LDB2: variants seen among roughly 807,000 people sequenced by gnomAD.
LDB2 encodes the protein LIM domain-binding protein 2.
Under a neutral mutation model 44.3 loss-of-function variants are expected in LDB2, and 12 were observed. That is an observed-to-expected ratio of 0.27 (90% CI 0.17 to 0.44). The LOEUF is 0.44. Among genes scored for constraint, LDB2 ranks in the 20% least tolerant of loss-of-function variants. The pLI is 1.00. For missense variants in LDB2, 344 were observed against 473.5 expected, an observed-to-expected ratio of 0.73 and a Z score of 2.54; for synonymous variants, 164 against 174.8, an observed-to-expected ratio of 0.94 and a Z score of 0.49.
intron 1 of LDB2, among the ~76,000 whole-genome samples, chr4:16,836,989 T>C (rs1032693439): frequency 6.6e-6 from 1 of 152,226 alleles, no homozygotes; most frequent in African/African-American, 2.4e-5. Context: ...AACCATTATC[T>C]GCCTGACACA....
At chr4:16,734,309 G>GAAT (rs1325197996) in intron 2 of LDB2, among the ~76,000 whole-genome samples, 2 of 152,130 alleles carry the variant, frequency 1.3e-5, no homozygotes, top group Non-Finnish European at 2.9e-5. Context: ...ATTTAATCCT[G>GAAT]TTGATTAAGT....
At chr4:16,753,251 T>C (rs1361394807) in intron 2 of LDB2, among the ~76,000 whole-genome samples, 4 of 152,180 alleles carry the variant, frequency 2.6e-5, no homozygotes, top group African/African-American at 4.8e-5. Flanking sequence ...ATCATGTATA[T>C]AGCAAGCACA....
At chr4:16,692,989 G>GC (rs1232648795) in intron 2 of LDB2, among the ~76,000 whole-genome samples, 20 of 152,078 alleles carry the variant, frequency 1.3e-4, no homozygotes, top group Non-Finnish European at 2.9e-4. Flanking sequence ...TTTCTTCCCT[G>GC]CCCCCCAGAG....
chr4:16,701,944 T>C (rs1324036486), intron 2 of LDB2, among the ~76,000 whole-genome samples: 1 of 152,208 alleles, frequency 6.6e-6, no homozygotes, highest in Non-Finnish European at 1.5e-5. Flanking sequence ...ATTACTATTG[T>C]TATTGCTATT....
At chr4:16,832,101 G>A (rs1404647363) in intron 1 of LDB2, among the ~76,000 whole-genome samples, 1 of 152,180 alleles carries the variant, frequency 6.6e-6, no homozygotes, top group Non-Finnish European at 1.5e-5. Flanking sequence ...TGTTACAGCT[G>A]AACATAGTCC....
At chr4:16,535,284 G>A (rs1263892430) in intron 5 of LDB2, among the ~76,000 whole-genome samples, 2 of 152,150 alleles carry the variant, frequency 1.3e-5, no homozygotes, top group Non-Finnish European at 2.9e-5. Context: ...GAAGACATGC[G>A]TAATGGTCCT....
Position 16,831,099 on chromosome 4 carries a change from C to T in LDB2, c.132+67255G>A, listed in dbSNP as rs116410573. Among the ~76,000 whole-genome samples, 976 of 151,170 alleles carry T rather than the reference C, an allele frequency of 6.5e-3. 6 individuals are homozygous for T. Among genetic ancestry groups the T allele is most frequent in the Non-Finnish European group, 0.011 (716 of 67,910 alleles). On this transcript the variant is annotated intron_variant, in intron 1 of 7. Transcript: ENST00000304523. ...AATAGAACGGTGCAGAACTCATAGT[C>T]AGACTGACATGGATTTAGATCCCAG...
At chr4:16,769,094 G>A (rs1207075216) in intron 1 of LDB2, among the ~76,000 whole-genome samples, 1 of 152,080 alleles carries the variant, frequency 6.6e-6, no homozygotes, top group African/African-American at 2.4e-5. Context: ...CTGAACGTTT[G>A]GGTCTCTCTC....
chr4:16,693,347 CTTTTTT>C (rs71181181), intron 2 of LDB2, among the ~76,000 whole-genome samples: 37 of 112,120 alleles, frequency 3.3e-4, no homozygotes, highest in African/African-American at 9.8e-4. Flanking sequence ...AGCAATAGTT[CTTTTTT>C]TTTTTTTTTT....
intron 2 of LDB2, among the ~76,000 whole-genome samples, chr4:16,610,240 C>A (rs1412400307): frequency 6.6e-6 from 1 of 152,046 alleles, no homozygotes; most frequent in African/African-American, 2.4e-5. Flanking sequence ...ACTAGACAAA[C>A]TCACCAAGAT....
At chr4:16,759,661 C>T (rs936749706) in intron 1 of LDB2, among the ~76,000 whole-genome samples, 31 of 152,098 alleles carry the variant, frequency 2.0e-4, no homozygotes, top group African/African-American at 7.2e-4. Flanking sequence ...CACAATATTA[C>T]AACCAGGTTA....
At chr4:16,619,283 AC>A (rs1728207491) in intron 2 of LDB2, among the ~76,000 whole-genome samples, 1 of 152,116 alleles carries the variant, frequency 6.6e-6, no homozygotes, top group Non-Finnish European at 1.5e-5. Flanking sequence ...ACTGCAGACC[AC>A]ACCAGGCTAC....
chr4:16,529,230 G>C (rs1729301001), intron 5 of LDB2, among the ~76,000 whole-genome samples: 2 of 152,140 alleles, frequency 1.3e-5, no homozygotes, highest in Admixed American at 1.3e-4. Context: ...TTGGGCCCCA[G>C]ACCGAATCAA....
intron 2 of LDB2, among the ~76,000 whole-genome samples, chr4:16,692,015 T>C (rs901413321): frequency 3.3e-5 from 5 of 152,222 alleles, no homozygotes; most frequent in African/African-American, 9.6e-5. Context: ...AGTGACTTTA[T>C]TGTGCTGAAT....
At chr4:16,563,411 C>G (rs1235915617) in intron 5 of LDB2, among the ~76,000 whole-genome samples, 1 of 138,216 alleles carries the variant, frequency 7.2e-6, no homozygotes, top group African/African-American at 2.7e-5. Context: ...CATTCAAAAC[C>G]ATCTCATCAG....
At chr4:16,737,059 AT>A (rs535946054) in intron 2 of LDB2, among the ~76,000 whole-genome samples, 1 of 151,864 alleles carries the variant, frequency 6.6e-6, no homozygotes, top group Non-Finnish European at 1.5e-5. Context: ...GTTAAAATGT[AT>A]TTTTTTTGTA....
chr4:16,692,628 T>C (rs1052451068), intron 2 of LDB2, among the ~76,000 whole-genome samples: 6 of 152,116 alleles, frequency 3.9e-5, no homozygotes, highest in African/African-American at 9.7e-5. Context: ...AAGAACCTCT[T>C]CAAGTTTGGA....
intron 1 of LDB2, among the ~76,000 whole-genome samples, chr4:16,824,615 C>G (rs1782714005): frequency 6.6e-6 from 1 of 152,210 alleles, no homozygotes; most frequent in Admixed American, 6.5e-5. Flanking sequence ...GAACCTACAC[C>G]TATGTGGTCA....
chr4:16,793,905 A>C (rs1482033780), intron 1 of LDB2, among the ~76,000 whole-genome samples: 3 of 152,050 alleles, frequency 2.0e-5, no homozygotes, highest in Non-Finnish European at 4.4e-5. Context: ...GGAAAACTAC[A>C]TGGGGTTATT....
Sources: allele counts gnomAD v4.1 joint callset (sites outside exome capture counted in the v4.1 genomes callset), GRCh38; gene constraint gnomAD v4.1.1; transcripts MANE v1.5; gene names NCBI Gene and HGNC (gene_info 2026-07-23, HGNC 2026-07-21).